The following NR4A1 variants were observed in gnomAD, a reference collection of about 807,000 sequenced individuals.
The protein encoded by NR4A1 is nuclear receptor subfamily 4 group A member 1, also known as nuclear receptor subfamily 4immunitygroup A member 1.
A neutral mutation model predicts 47.5 loss-of-function variants in NR4A1; 24 were observed. The observed-to-expected ratio is 0.50, with a 90% CI of 0.37 to 0.71. The LOEUF is 0.71. NR4A1 is among the 30% of genes least tolerant of loss of function. The probability of loss-of-function intolerance (pLI) is 0.00; values close to 1 mark genes in which losing one functional copy is unlikely to be tolerated. For synonymous variants in NR4A1, 353 were observed against 345.7 expected, an observed-to-expected ratio of 1.02 and a Z score of -0.24; for missense variants, 669 against 788.6, an observed-to-expected ratio of 0.85 and a Z score of 1.82.
rs770675789 is a variant in NR4A1, at chr12:52,055,115, A to G, written c.787A>G (p.Ser263Gly). The change falls in exon 2 of 7, where the codon AGT becomes GGT. Residue 263 changes from serine to glycine, a missense_variant. By Grantham distance (56) the Ser-to-Gly change is moderately conservative. Transcript: ENST00000394825. ...TKARSGAPGG[S>G]EGRCAVCGDN... is the part of the protein sequence containing the mutation. The stretch of plus-strand genomic sequence containing the variant: ...GGCCCGGAGCGGGGCCCCAGGTGGA[A>G]GTGAAGGCCGCTGTGCTGTGTGTGG... 2 of 1,614,198 alleles carry G rather than the reference A, an allele frequency of 1.2e-6. No homozygotes were observed. Among genetic ancestry groups the G allele is most frequent in the Non-Finnish European group, 1.7e-6 (2 of 1,180,036 alleles).
At chr12:52,050,894 C>T (rs1938889337), upstream of NR4A1, among the ~76,000 whole-genome samples, 1 of 152,152 alleles carries the variant, frequency 6.6e-6, no homozygotes, top group Non-Finnish European at 1.5e-5. Flanking sequence ...CAGCGACACC[C>T]TAGGGCTCCA....
In NR4A1 at chr12:52,023,770, T is replaced by C. The variant is rs189798120; in HGVS notation, c.-84+831T>C. On this transcript the variant is annotated intron_variant, in intron 1 of 7. Coordinates refer to the NR4A1 transcript ENST00000360284. Reference sequence around the variant, plus strand: ...ATCCCCATGGCCTCGAACCCCAGCCTGCCGAGCCGCTCCTCACAGGGTGCT... The same window carrying C: ...ATCCCCATGGCCTCGAACCCCAGCCCGCCGAGCCGCTCCTCACAGGGTGCT... 9.2e-3 allele frequency among the ~76,000 whole-genome samples: 1,402 copies of C among 151,960 alleles called. 15 individuals are homozygous for C. The highest frequency in any genetic ancestry group is 0.032 in the African/African-American group (1,332 of 41,462).
chr12:52,057,598 G>T lies in NR4A1; in HGVS notation c.1540+68G>T, dbSNP rs957218654. The T allele has an allele frequency of 9.5e-6, 15 of 1,576,338 alleles. No homozygotes were observed. In the Admixed American group the frequency reaches 2.5e-4, roughly 27 times the overall value. On this transcript the variant is annotated intron_variant, in intron 6 of 6. Coordinates refer to ENST00000394825, the MANE Select transcript of NR4A1 (RefSeq NM_173157.3). ...AGGGGGTTGACTGGTTCTCAGGAGG[G>T]CACTGTCCCAGGGAGTTTGGTGGGC...
chr12:52,041,846 C>G (rs1374928714), exon 2 of NR4A1: 1 of 1,510,960 alleles, frequency 6.6e-7, no homozygotes, highest in Non-Finnish European at 8.8e-7. Context: ...CCTGCCCCTC[C>G]CAGGCAGCCT....
chr12:52,034,013 A>C (rs572080500), intron 1 of NR4A1, among the ~76,000 whole-genome samples: 23 of 152,198 alleles, frequency 1.5e-4, no homozygotes, highest in African/African-American at 5.5e-4. Context: ...ATGCTGTGAG[A>C]TGGAAGGGCA....
upstream of NR4A1, among the ~76,000 whole-genome samples, chr12:52,049,575 A>G (rs1938816719): frequency 6.6e-6 from 1 of 152,226 alleles, no homozygotes; most frequent in South Asian, 2.1e-4. Flanking sequence ...AAGAGGCTTG[A>G]GCCTGGGAGG....
chr12:52,054,757 G>A lies in NR4A1; in HGVS notation c.429G>A (p.Thr143=), dbSNP rs993949009. ...GSPCSAPSPS[T]PSFQPPQLSP... ...CCTGCTCGGCCCCGTCGCCCTCCAC[G>A]CCCAGCTTCCAGCCGCCCCAGCTCT... Residue 143 remains threonine, a synonymous_variant, in exon 2 of 7, where the codon ACG becomes ACA. Coordinates refer to ENST00000394825, the MANE Select transcript of NR4A1 (RefSeq NM_173157.3). 9 of 1,612,326 alleles carry A rather than the reference G, an allele frequency of 5.6e-6. No individual in the cohort carries two copies. Among genetic ancestry groups the A allele is most frequent in the South Asian group, 1.1e-5 (1 of 91,066 alleles).
rs1033615255 is a variant in NR4A1, at chr12:52,056,092, G to A, written c.939G>A (p.Lys313=). The A allele has an allele frequency of 6.2e-7, 1 of 1,610,666 alleles. No individual in the cohort carries two copies. Among genetic ancestry groups the A allele is most frequent in the Non-Finnish European group, 8.5e-7 (1 of 1,178,558 alleles). The change falls in exon 3 of 7, where the codon AAG becomes AAA. Residue 313 remains lysine, a synonymous_variant. Transcript: ENST00000394825. ...CLANKDCPVD[K]RRRNRCQFCR... is the part of the protein sequence containing the mutation. ...CTAACAAGGACTGCCCTGTGGACAA[G>A]AGGCGGCGAAACCGCTGCCAGTTCT...
chr12:52,056,555 C>T lies in NR4A1; in HGVS notation c.1068C>T (p.Pro356=), dbSNP rs758663583. 1.9e-6 allele frequency: 3 copies of T among 1,613,784 alleles called. No individual in the cohort carries two copies. The highest frequency in any genetic ancestry group is 1.1e-5 in the South Asian group (1 of 91,068). The change falls in exon 4 of 7, where the codon CCC becomes CCT. Residue 356 remains proline (P), a synonymous_variant. Coordinates refer to ENST00000394825, the MANE Select transcript of NR4A1 (RefSeq NM_173157.3). ...RGRLPSKPKQ[P]PDASPANLLT... is the part of the protein sequence containing the mutation. ...GGCTACCTTCAAAACCCAAGCAGCC[C>T]CCAGATGCCTCCCCTGCCAATCTCC...
At chr12:52,040,599 C>T (rs1186285119) in intron 1 of NR4A1, among the ~76,000 whole-genome samples, 1 of 152,190 alleles carries the variant, frequency 6.6e-6, no homozygotes, top group Non-Finnish European at 1.5e-5. Context: ...TCCCTTCCCT[C>T]CTTGTCTCCT....
chr12:52,032,543 C>G (rs780156127), intron 1 of NR4A1, among the ~76,000 whole-genome samples: 15 of 152,336 alleles, frequency 9.8e-5, no homozygotes, highest in Middle Eastern at 3.4e-3. Flanking sequence ...ATGGCACTTA[C>G]TGCTTATGTG....
At chr12:52,035,043 G>A in intron 1 of NR4A1, among the ~76,000 whole-genome samples, 1 of 152,342 alleles carries the variant, frequency 6.6e-6, no homozygotes, top group South Asian at 2.1e-4. Context: ...CATGCAGCTG[G>A]TAAGAGGTAG....
chr12:52,055,939 T>C (rs1939241019), intron 2 of NR4A1, 91 bp from the exon 3 acceptor site: 1 of 676,840 alleles, frequency 1.5e-6, no homozygotes, highest in African/African-American at 1.9e-5. Context: ...TTGTCTGCAA[T>C]GGCAGCAGGA....
upstream of NR4A1, among the ~76,000 whole-genome samples, chr12:52,047,350 C>T (rs1004788947): frequency 6.6e-6 from 1 of 152,192 alleles, no homozygotes; most frequent in African/African-American, 2.4e-5. Context: ...TCTCAGAGGC[C>T]CAGGCCATTC....
At chr12:52,039,322 T>C (rs953437332) in intron 1 of NR4A1, among the ~76,000 whole-genome samples, 3 of 152,234 alleles carry the variant, frequency 2.0e-5, no homozygotes, top group African/African-American at 4.8e-5. Context: ...CACCAGGACC[T>C]GTCACGCAGA....
intron 1 of NR4A1, among the ~76,000 whole-genome samples, chr12:52,030,004 G>A (rs1938085966): frequency 6.6e-6 from 1 of 152,158 alleles, no homozygotes; most frequent in Non-Finnish European, 1.5e-5. Context: ...CCCTAGAAGT[G>A]GACACTTATA....
In NR4A1 at chr12:52,056,887, C is replaced by T. The variant is rs1939300268; in HGVS notation, c.1159-170C>T. ...CAATTAGAAAAATATGTCCTTTTGG[C>T]AGCTGCAGCCCTGGGTTAATATGTG... On this transcript the variant is annotated intron_variant, in intron 4 of 6. Transcript: ENST00000394825. The T allele has an allele frequency of 5.3e-5, 43 of 807,060 alleles. 2 individuals carry two copies. In the South Asian group the frequency reaches 6.9e-4, roughly 13 times the overall value. 50.0% of individuals were successfully genotyped at this position (807,060 alleles called of 1,614,324 possible).
At chr12:52,044,221 T>C (rs1338442339) in intron 2 of NR4A1, among the ~76,000 whole-genome samples, 1 of 152,238 alleles carries the variant, frequency 6.6e-6, no homozygotes, top group Non-Finnish European at 1.5e-5. Flanking sequence ...CACTGGTCAC[T>C]GCGGCGAGTT....
chr12:52,045,247 A>T (rs1454055180), intron 2 of NR4A1, among the ~76,000 whole-genome samples: 1 of 152,204 alleles, frequency 6.6e-6, no homozygotes, highest in Non-Finnish European at 1.5e-5. Flanking sequence ...CGTCCAGCTG[A>T]GGACCCTGCT....
Sources: gnomAD v4.1 joint callset for allele counts (sites outside exome capture counted in the v4.1 genomes callset) on GRCh38, gnomAD v4.1.1 for gene constraint, MANE v1.5 for transcripts, NCBI Gene and HGNC (gene_info 2026-07-23, HGNC 2026-07-21) for gene names.